USP34: variants seen among roughly 807,000 people sequenced by gnomAD.
USP34 encodes ubiquitin specific peptidase 34.
USP34 carries 70 observed loss-of-function variants against 460.3 expected under a neutral mutation model. The ratio of observed to expected loss-of-function variants is 0.15; its 90% CI spans 0.13 to 0.19. USP34 has a LOEUF of 0.19. Ranked by LOEUF, USP34 falls within the 10% of genes least tolerant of loss-of-function variation. The pLI is 1.00. For missense variants in USP34, 3,985 were observed against 4,236.2 expected, an observed-to-expected ratio of 0.94 and a Z score of 1.65; for synonymous variants, 1,647 against 1,405.3, an observed-to-expected ratio of 1.17 and a Z score of -3.85.
At position 61,343,956 on chromosome 2, in the gene USP34, T is replaced by C. The variant is rs991000637; in HGVS notation, c.2359A>G (p.Lys787Glu). 6.2e-7 allele frequency: 1 copy of C among 1,613,890 alleles called. No individual in the cohort carries two copies. The highest frequency in any genetic ancestry group is 1.3e-5 in the African/African-American group (1 of 74,928). ...TCACCATCAAAATCAGCCATATTTT[T>C]TTCTGATTTTGCACTAACCTGGGAG... ...SSSQVSAKSE[K>E]NMADFDGEES... The change falls in exon 16 of 80, where the codon AAA becomes GAA. Residue 787 changes from lysine (K) to glutamate (E), a missense_variant. By Grantham distance (56) the Lys-to-Glu change is moderately conservative. Coordinates refer to ENST00000398571, the MANE Select transcript of USP34 (RefSeq NM_014709.4).
chr2:61,366,894 C>T (rs930437169), intron 10 of USP34, among the ~76,000 whole-genome samples: 6 of 152,020 alleles, frequency 3.9e-5, no homozygotes, highest in African/African-American at 1.5e-4. Flanking sequence ...CAAAAAAACA[C>T]AAAAATTAGC....
chr2:61,288,617 T>C, intron 34 of USP34, 60 bp downstream of exon 34: 1 of 1,541,750 alleles, frequency 6.5e-7, no homozygotes, highest in South Asian at 1.1e-5. Context: ...CATTAGCATA[T>C]TTCTTCAGTT....
At chr2:61,347,385 A>G (rs891239359) in intron 15 of USP34, among the ~76,000 whole-genome samples, 2 of 152,048 alleles carry the variant, frequency 1.3e-5, no homozygotes, top group African/African-American at 4.8e-5. Context: ...TTGTTGTTCA[A>G]CGTTTTGCTT....
At chr2:61,279,833 T>C (rs1379813807) in intron 39 of USP34, among the ~76,000 whole-genome samples, 4 of 152,218 alleles carry the variant, frequency 2.6e-5, no homozygotes, top group Non-Finnish European at 4.4e-5. Context: ...ATAAGAAAAT[T>C]AGATATGCAA....
At chr2:61,346,527 TAAAAA>T (rs926076478) in intron 15 of USP34, among the ~76,000 whole-genome samples, 1 of 44,254 alleles carries the variant, frequency 2.3e-5, no homozygotes, top group Non-Finnish European at 3.7e-5. Flanking sequence ...CCCTATCTCT[TAAAAA>T]AAAAAAAAAA....
At chr2:61,427,005 C>A (rs896569826) in intron 1 of USP34, among the ~76,000 whole-genome samples, 1 of 152,160 alleles carries the variant, frequency 6.6e-6, no homozygotes, top group African/African-American at 2.4e-5. Flanking sequence ...GCTTGGGGTA[C>A]CCCTAAAGCA....
intron 16 of USP34, among the ~76,000 whole-genome samples, chr2:61,343,246 C>A (rs1361437241): frequency 6.6e-6 from 1 of 152,156 alleles, no homozygotes; most frequent in African/African-American, 2.4e-5. Context: ...TCTTGCTTTA[C>A]TCATTAATTC....
chr2:61,432,972 A>G (rs1490040750), intron 1 of USP34, among the ~76,000 whole-genome samples: 2 of 152,240 alleles, frequency 1.3e-5, no homozygotes, highest in South Asian at 4.1e-4. Context: ...TACATTCAAG[A>G]TATTAGATAA....
At position 61,207,018 on chromosome 2, in the gene USP34, G is replaced by A. The variant is rs377738885; in HGVS notation, c.8920-132C>T. On this transcript the variant is annotated intron_variant, in intron 70 of 79. Transcript: ENST00000398571. ...GTGTGCACATGTGTGCAAAGCAAAC[G>A]TATTTGCTTTCTATCCTGAAGTTAA... 2,860 of 916,366 alleles carry A rather than the reference G, an allele frequency of 3.1e-3. 103 individuals carry two copies. In the South Asian group the frequency reaches 0.05, roughly 16 times the overall value. The allele number at this position is 916,366 out of a possible 1,614,324, so 56.8% of individuals were successfully genotyped here. A position where few individuals can be genotyped will look rare whatever the true frequency, so the allele number is the denominator to read the frequency against.
chr2:61,321,753 A>G (rs1690930085), intron 21 of USP34, among the ~76,000 whole-genome samples: 1 of 152,230 alleles, frequency 6.6e-6, no homozygotes, highest in Non-Finnish European at 1.5e-5. Flanking sequence ...ATTTAGGAAG[A>G]AAATTCTTCT....
intron 10 of USP34, among the ~76,000 whole-genome samples, chr2:61,356,264 G>C (rs1270713381): frequency 6.6e-6 from 1 of 151,924 alleles, no homozygotes; most frequent in Non-Finnish European, 1.5e-5. Context: ...AAGGCGGGTG[G>C]ATCACTTGAG....
chr2:61,288,653 T>A, intron 34 of USP34, 24 bp downstream of exon 34: 1 of 1,605,014 alleles, frequency 6.2e-7, no homozygotes, highest in Non-Finnish European at 8.5e-7. Context: ...AATTCATCAT[T>A]AAACATTAAT....
rs1176292746 is a variant in USP34, at chr2:61,188,607, A to G, written c.10136T>C (p.Val3379Ala). The G allele has an allele frequency of 1.2e-6, 2 of 1,613,860 alleles. No homozygotes were observed. The highest frequency in any genetic ancestry group is 1.7e-6 in the Non-Finnish European group (2 of 1,179,964). ...GTCAGAAGTGCTCGTTGGGGTCAGG[A>G]CCTCCCTGGTTTCTGTTTTCATGTC... is the stretch of plus-strand genomic sequence containing the variant. The part of the protein sequence containing the change: ...ISDMKTETRE[V>A]LTPTSTSDNE... The change falls in exon 80 of 80, where the codon GTC becomes GCC. Residue 3379 changes from valine to alanine, a missense_variant. By Grantham distance (64) the Val-to-Ala change is moderately conservative. Coordinates refer to ENST00000398571, the MANE Select transcript of USP34 (RefSeq NM_014709.4).
chr2:61,288,123 G>C (rs771341434), intron 34 of USP34, among the ~76,000 whole-genome samples: 10 of 152,100 alleles, frequency 6.6e-5, no homozygotes, highest in Non-Finnish European at 1.0e-4. Flanking sequence ...AGCTTTATCA[G>C]GTCCCCTCTG....
intron 2 of USP34, among the ~76,000 whole-genome samples, chr2:61,407,014 A>C (rs990225860): frequency 5.3e-5 from 8 of 152,150 alleles, no homozygotes; most frequent in Admixed American, 1.3e-4. Flanking sequence ...CAGTCTCAAA[A>C]AAAAAGTATT....
In USP34 at chr2:61,248,648, A is replaced by C. The variant is rs745563941; in HGVS notation, c.6257T>G (p.Phe2086Cys). Reference protein sequence around the residue: ...CFKKLPRILSFNTMRYTFNMV... With the variant: ...CFKKLPRILSCNTMRYTFNMV... ...ATTAAATGTGTATCTCATAGTATTG[A>C]AACTCAAAATGCGAGGCAATTTCTT... The change falls in exon 49 of 80, where the codon TTC becomes TGC. Residue 2086 changes from phenylalanine to cysteine, a missense_variant. Transcript: ENST00000398571. 6.3e-7 allele frequency: 1 copy of C among 1,579,230 alleles called. No homozygotes were observed. Among genetic ancestry groups the C allele is most frequent in the Admixed American group, 1.8e-5 (1 of 56,904 alleles).
intron 72 of USP34, 66 bp downstream of exon 72, chr2:61,205,951 C>T (rs567002493): frequency 5.4e-5 from 68 of 1,251,724 alleles, no homozygotes; most frequent in East Asian, 1.6e-4. Flanking sequence ...CTTAACATCA[C>T]GGAAAAACTC....
rs182884785 is a variant in USP34 at position 61,284,525 on chromosome 2, A to G, written c.4832+350T>C. Reference sequence around the variant, plus strand: ...TAATATGAACTATATGTTAGATAACATATCAATGTTAAATTCTATAAATTT... The same window carrying G: ...TAATATGAACTATATGTTAGATAACGTATCAATGTTAAATTCTATAAATTT... On this transcript the variant is annotated intron_variant, in intron 35 of 79. Coordinates refer to ENST00000398571, the MANE Select transcript of USP34 (RefSeq NM_014709.4). 2.8e-3 allele frequency among the ~76,000 whole-genome samples: 421 copies of G among 152,332 alleles called. 1 individual carries two copies. The highest frequency in any genetic ancestry group is 9.4e-3 in the African/African-American group (393 of 41,590).
intron 1 of USP34, among the ~76,000 whole-genome samples, chr2:61,461,760 CAG>C (rs1695607231): frequency 6.6e-6 from 1 of 152,052 alleles, no homozygotes; most frequent in Admixed American, 6.6e-5. Context: ...GGCAAGCAAA[CAG>C]TATGAAAATA....
Sources: gnomAD v4.1 joint callset for allele counts (sites outside exome capture counted in the v4.1 genomes callset) on GRCh38, gnomAD v4.1.1 for gene constraint, MANE v1.5 for transcripts, NCBI Gene and HGNC (gene_info 2026-07-23, HGNC 2026-07-21) for gene names.